MYO9B: variants seen among roughly 807,000 people sequenced by gnomAD.
MYO9B encodes the protein myosin IXB.
A neutral mutation model predicts 229.5 loss-of-function variants in MYO9B; 71 were observed. That is an observed-to-expected ratio of 0.31 (90% CI 0.26 to 0.38). The LOEUF is 0.38. Among genes scored for constraint, MYO9B ranks in the 10% least tolerant of loss-of-function variants. The probability of loss-of-function intolerance (pLI) is 1.00; values close to 1 mark genes in which losing one functional copy is unlikely to be tolerated. For synonymous variants in MYO9B, 1,185 were observed against 1,235.8 expected, an observed-to-expected ratio of 0.96 and a Z score of 0.86; for missense variants, 2,255 against 2,920.5, an observed-to-expected ratio of 0.77 and a Z score of 5.25.
intron 2 of MYO9B, among the ~76,000 whole-genome samples, chr19:17,110,224 C>A (rs966982071): frequency 6.6e-6 from 1 of 152,122 alleles, no homozygotes; most frequent in Non-Finnish European, 1.5e-5. Flanking sequence ...TAATGCTGAC[C>A]AAAAAACAGG....
chr19:17,202,769 A>G, intron 28 of MYO9B, 73 bp from the exon 29 acceptor site: 10 of 1,445,020 alleles, frequency 6.9e-6, no homozygotes, highest in South Asian at 1.2e-5. Context: ...CGCCTGAGTT[A>G]TGGGGTGCCA....
chr19:17,156,338 C>T (rs1437806379), intron 6 of MYO9B, among the ~76,000 whole-genome samples: 9 of 150,780 alleles, frequency 6.0e-5, no homozygotes, highest in Admixed American at 5.3e-4. Context: ...CAACTGAGCC[C>T]GGGGAGGTTG....
At chr19:17,077,157 C>T (rs1167807344) in intron 1 of MYO9B, among the ~76,000 whole-genome samples, 1 of 152,210 alleles carries the variant, frequency 6.6e-6, no homozygotes, top group Non-Finnish European at 1.5e-5. Flanking sequence ...TCTGACAGGC[C>T]TGGCTCTTGT....
At chr19:17,152,456 T>TG in intron 3 of MYO9B, 188 bp from the exon 4 acceptor site, 1 of 492,398 alleles carries the variant, frequency 2.0e-6, no homozygotes, top group East Asian at 3.8e-5. Flanking sequence ...CCAACCACTG[T>TG]GGGGGCCGAG....
chr19:17,148,677 G>A (rs550527638), intron 3 of MYO9B, among the ~76,000 whole-genome samples: 11 of 152,224 alleles, frequency 7.2e-5, no homozygotes, highest in African/African-American at 1.7e-4. Context: ...TCCGCCTCCC[G>A]GGCTCAAGCA....
At chr19:17,189,684 C>T (rs2072959357) in intron 19 of MYO9B, among the ~76,000 whole-genome samples, 1 of 151,942 alleles carries the variant, frequency 6.6e-6, no homozygotes, top group Admixed American at 6.6e-5. Context: ...GACTGTAAGC[C>T]CCATTGCAAG....
chr19:17,160,970 A>T (rs891145006), intron 8 of MYO9B, among the ~76,000 whole-genome samples: 1 of 150,236 alleles, frequency 6.7e-6, no homozygotes. Flanking sequence ...AAATGCTGGG[A>T]TTACAGGCGT....
rs749729762 is a variant in MYO9B, at chr19:17,206,114, C to G, written c.5219C>G (p.Ala1740Gly). 6.2e-7 allele frequency: 1 copy of G among 1,606,834 alleles called. No homozygotes were observed. Among genetic ancestry groups the G allele is most frequent in the Non-Finnish European group, 8.5e-7 (1 of 1,175,122 alleles). The stretch of plus-strand genomic sequence containing the variant: ...GGCCTCTACCGCAAGTCGGGTGCTG[C>G]CAACCGCACTCGGGAGCTCCGGCAG... ...TEGLYRKSGA[A>G]NRTRELRQAL... is the part of the protein sequence containing the mutation. Residue 1740 changes from alanine to glycine, a missense_variant, in exon 32 of 40, where the codon GCC becomes GGC. This residue lies in a region of MYO9B where 416 missense variants were observed against 605.5 expected (regional missense o/e 0.69). Coordinates refer to ENST00000682292, the MANE Select transcript of MYO9B (RefSeq NM_004145.4).
intron 2 of MYO9B, among the ~76,000 whole-genome samples, chr19:17,125,343 T>C (rs760625766): frequency 8.1e-6 from 1 of 124,066 alleles, no homozygotes; most frequent in African/African-American, 3.1e-5. Context: ...AGGGGAAATA[T>C]GATAAATTCT....
intron 30 of MYO9B, 60 bp from the exon 31 acceptor site, chr19:17,205,202 TG>T: frequency 7.1e-7 from 1 of 1,407,458 alleles, no homozygotes; most frequent in Non-Finnish European, 9.9e-7. Context: ...GCTGGGTGGG[TG>T]GCTGCAGGAA....
chr19:17,174,543 A>G (rs1006016531), intron 13 of MYO9B, among the ~76,000 whole-genome samples: 13 of 152,160 alleles, frequency 8.5e-5, no homozygotes, highest in African/African-American at 3.1e-4. Flanking sequence ...AGGCTGAGGT[A>G]GGAGAATCGC....
At chr19:17,170,447 C>G (rs11671774) in intron 11 of MYO9B, among the ~76,000 whole-genome samples, 36,569 of 151,692 alleles carry the variant, frequency 0.24, 4,759 homozygotes, top group East Asian at 0.36. Flanking sequence ...TGCCTCAAAC[C>G]TAGTCCCTGT....
intron 10 of MYO9B, 74 bp downstream of exon 10, chr19:17,163,196 C>A: frequency 6.8e-7 from 1 of 1,467,628 alleles, no homozygotes; most frequent in Non-Finnish European, 9.2e-7. Flanking sequence ...CCATCTTAAC[C>A]ATTTGTAAAT....
Position 17,172,680 on chromosome 19 carries a change from C to T in MYO9B, c.1936-79C>T. 1.3e-6 allele frequency: 2 copies of T among 1,555,136 alleles called. No homozygotes were observed. The highest frequency in any genetic ancestry group is 1.8e-6 in the Non-Finnish European group (2 of 1,130,866). ...GGGCCCCACCCCACCGTCAGCCCTTCCTGCGCCAGCCCGGGGTCTTTGGTA... is the reference window on the plus strand; with the variant it reads ...GGGCCCCACCCCACCGTCAGCCCTTTCTGCGCCAGCCCGGGGTCTTTGGTA... On this transcript the variant is annotated intron_variant, in intron 12 of 39. Transcript: ENST00000682292. The surrounding 1 kb of genome is among the most constrained non-coding windows in gnomAD (Gnocchi z 8.2).
chr19:17,119,156 C>T (rs1272693200), intron 2 of MYO9B, among the ~76,000 whole-genome samples: 11 of 152,222 alleles, frequency 7.2e-5, no homozygotes, highest in African/African-American at 9.6e-5. Context: ...TGATCTCTCA[C>T]GCCCCAGGGC....
intron 2 of MYO9B, among the ~76,000 whole-genome samples, chr19:17,110,481 C>T (rs886147244): frequency 6.6e-6 from 1 of 152,206 alleles, no homozygotes; most frequent in Non-Finnish European, 1.5e-5. Context: ...TCTCCCTTTG[C>T]CCACAGCCTC....
chr19:17,187,782 C>T (rs1036873264), intron 18 of MYO9B, among the ~76,000 whole-genome samples, 153 bp from the exon 19 acceptor site: 8 of 152,096 alleles, frequency 5.3e-5, no homozygotes, highest in African/African-American at 1.9e-4. Context: ...CCCACGTGTG[C>T]ACCCTGACCA....
chr19:17,130,078 C>G (rs1202084978), intron 2 of MYO9B, among the ~76,000 whole-genome samples: 1 of 152,150 alleles, frequency 6.6e-6, no homozygotes, highest in Admixed American at 6.5e-5. Flanking sequence ...CCTTGGCCTC[C>G]CAAAGTGCTT....
chr19:17,123,424 TTGTGTGTGTG>T (rs3222984), intron 2 of MYO9B, among the ~76,000 whole-genome samples: 7 of 146,926 alleles, frequency 4.8e-5, no homozygotes, highest in East Asian at 2.0e-4. Context: ...CAGTAGAAAT[TTGTGTGTGTG>T]TGTGTGTGTG....
Sources: allele counts gnomAD v4.1 joint callset (sites outside exome capture counted in the v4.1 genomes callset), GRCh38; gene constraint gnomAD v4.1.1; regional missense constraint gnomAD v4.1.1; non-coding constraint Gnocchi (gnomAD v3.1); transcripts MANE v1.5; gene names NCBI Gene and HGNC (gene_info 2026-07-23, HGNC 2026-07-21).